The following NT5DC1 variants were observed in gnomAD, a reference collection of about 807,000 sequenced individuals.
NT5DC1 encodes 5'-nucleotidase domain containing 1.
In NT5DC1, 42 loss-of-function variants were observed where a neutral mutation model predicts 59.4. That is an observed-to-expected ratio of 0.71 (90% CI 0.55 to 0.92). The LOEUF (loss-of-function observed/expected upper bound fraction) is 0.92. Ranked by LOEUF, NT5DC1 falls within the 40% of genes least tolerant of loss-of-function variation. The probability of loss-of-function intolerance (pLI) is 0.00; values close to 1 mark genes in which losing one functional copy is unlikely to be tolerated. For synonymous variants in NT5DC1, 172 were observed against 188.1 expected, an observed-to-expected ratio of 0.91 and a Z score of 0.70; for missense variants, 501 against 537.1, an observed-to-expected ratio of 0.93 and a Z score of 0.66.
intron 7 of NT5DC1, among the ~76,000 whole-genome samples, chr6:116,222,412 C>T (rs1184236800): frequency 1.3e-5 from 2 of 152,076 alleles, no homozygotes; most frequent in Non-Finnish European, 2.9e-5. Flanking sequence ...CTGTTTCCCC[C>T]ATTGTAATAG....
chr6:116,104,631 T>G (rs982074444), intron 1 of NT5DC1, among the ~76,000 whole-genome samples: 1 of 152,118 alleles, frequency 6.6e-6, no homozygotes, highest in African/African-American at 2.4e-5. Context: ...TTTCTGTTTT[T>G]TTGTTTTGTT....
chr6:116,222,485 T>C lies in NT5DC1; in HGVS notation c.705-549T>C, dbSNP rs117817941. Among the ~76,000 whole-genome samples, 111 of 152,348 alleles carry C rather than the reference T, an allele frequency of 7.3e-4. 2 individuals carry two copies. In the East Asian group the frequency reaches 0.019, roughly 26 times the overall value. ...TCAAAAGTAATCCTTAATATAATGCTAACTACAGATTTAAAATCATTAATT... is the reference window on the plus strand; with the variant it reads ...TCAAAAGTAATCCTTAATATAATGCCAACTACAGATTTAAAATCATTAATT... On this transcript the variant is annotated intron_variant, in intron 7 of 11. Transcript: ENST00000319550.
intron 6 of NT5DC1, chr6:116,119,940 G>C (rs185306056): frequency 1.1e-6 from 1 of 874,584 alleles, no homozygotes; most frequent in East Asian, 2.4e-5. Context: ...TTGTTGGTCT[G>C]ATAGCTCAAA....
chr6:116,140,046 T>C (rs940292197), intron 6 of NT5DC1, among the ~76,000 whole-genome samples: 4 of 152,160 alleles, frequency 2.6e-5, no homozygotes, highest in Non-Finnish European at 5.9e-5. Context: ...GTAAGGAAAC[T>C]GAAGCCCAAG....
intron 6 of NT5DC1, among the ~76,000 whole-genome samples, chr6:116,170,268 T>A (rs1780575076): frequency 6.6e-6 from 1 of 152,106 alleles, no homozygotes; most frequent in African/African-American, 2.4e-5. Flanking sequence ...TTGGGGGGTG[T>A]GACCTGATTA....
chr6:116,127,274 A>C (rs1186036149), intron 6 of NT5DC1, among the ~76,000 whole-genome samples: 1 of 152,148 alleles, frequency 6.6e-6, no homozygotes, highest in African/African-American at 2.4e-5. Flanking sequence ...TCTCCCCTTC[A>C]AGCAATTTTC....
chr6:116,236,438 A>C (rs563839748), intron 8 of NT5DC1, among the ~76,000 whole-genome samples: 3 of 152,302 alleles, frequency 2.0e-5, no homozygotes, highest in Admixed American at 1.3e-4. Flanking sequence ...AATGGTCCAC[A>C]AACTTGTGCT....
rs1490953153 is a variant in NT5DC1, at chr6:116,245,263, T to C, written c.*1239T>C. ...TACTGTTTATGCTGTGATTTCACTC[T>C]GTCTATCATGGGCAGTATTAGAAAA... On this transcript the variant is annotated 3_prime_UTR_variant, in exon 12 of 12. Coordinates refer to ENST00000319550, the MANE Select transcript of NT5DC1 (RefSeq NM_152729.3). 3 of 152,398 alleles carry C rather than the reference T, an allele frequency of 2.0e-5. No individual in the cohort carries two copies. The South Asian group carries it at 6.2e-4, about 32-fold the overall frequency. 9.4% of individuals were successfully genotyped at this position (152,398 alleles called of 1,614,324 possible).
At chr6:116,112,552 A>ACACCT (rs1778899772) in intron 4 of NT5DC1, among the ~76,000 whole-genome samples, 2 of 152,220 alleles carry the variant, frequency 1.3e-5, no homozygotes, top group Non-Finnish European at 2.9e-5. Flanking sequence ...TTTACATCTT[A>ACACCT]GAGATTCTGG....
intron 6 of NT5DC1, chr6:116,121,722 C>T: frequency 6.2e-7 from 1 of 1,614,032 alleles, no homozygotes. Context: ...GGTAGGCCAG[C>T]TGGTCCAACA....
intron 11 of NT5DC1, among the ~76,000 whole-genome samples, chr6:116,243,192 C>G (rs1012766875): frequency 6.6e-6 from 1 of 152,166 alleles, no homozygotes; most frequent in Admixed American, 6.5e-5. Context: ...TCTTATTTAG[C>G]TAAGCATTTG....
chr6:116,141,931 A>G (rs1449687619), intron 6 of NT5DC1, among the ~76,000 whole-genome samples: 3 of 136,046 alleles, frequency 2.2e-5, no homozygotes, highest in Non-Finnish European at 4.6e-5. Context: ...CACACACTGT[A>G]AATGTGAGAT....
chr6:116,201,485 G>T (rs1337717431), intron 6 of NT5DC1, among the ~76,000 whole-genome samples: 1 of 152,032 alleles, frequency 6.6e-6, no homozygotes, highest in Non-Finnish European at 1.5e-5. Flanking sequence ...TCCCTAATGA[G>T]ACCAGTGACT....
At chr6:116,172,590 G>C (rs1202482896) in intron 6 of NT5DC1, among the ~76,000 whole-genome samples, 1 of 151,988 alleles carries the variant, frequency 6.6e-6, no homozygotes, top group East Asian at 1.9e-4. Context: ...AAAGTGCTGG[G>C]ATTACAGGTG....
At chr6:116,119,438 T>A (rs892775702) in intron 6 of NT5DC1, 1 of 152,644 alleles carries the variant, frequency 6.6e-6, no homozygotes, top group Non-Finnish European at 1.5e-5. Context: ...GCATTTCAGA[T>A]GAACTTCAAT....
At chr6:116,231,876 A>G (rs867611729) in intron 8 of NT5DC1, among the ~76,000 whole-genome samples, 2 of 152,256 alleles carry the variant, frequency 1.3e-5, no homozygotes, top group Non-Finnish European at 1.5e-5. Flanking sequence ...CCTCATGCAG[A>G]TTATTCTAAT....
chr6:116,117,447 G>GT (rs1778987319), intron 5 of NT5DC1, among the ~76,000 whole-genome samples: 2 of 152,092 alleles, frequency 1.3e-5, no homozygotes, highest in South Asian at 2.1e-4. Context: ...TTATGATGGG[G>GT]TTTTTTCCTG....
intron 6 of NT5DC1, among the ~76,000 whole-genome samples, chr6:116,206,422 T>C (rs73566430): frequency 0.1 from 15,364 of 152,014 alleles, 1,300 homozygotes; most frequent in African/African-American, 0.23. Context: ...CTAAAGCACT[T>C]ACCCAAGGAA....
chr6:116,170,525 G>A (rs1162811679), intron 6 of NT5DC1, among the ~76,000 whole-genome samples: 3 of 152,142 alleles, frequency 2.0e-5, no homozygotes, highest in African/African-American at 7.2e-5. Flanking sequence ...AATCAGAAGT[G>A]TACGTAAAGT....
Sources: gnomAD v4.1 joint callset for allele counts (sites outside exome capture counted in the v4.1 genomes callset) on GRCh38, gnomAD v4.1.1 for gene constraint, MANE v1.5 for transcripts, NCBI Gene and HGNC (gene_info 2026-07-23, HGNC 2026-07-21) for gene names.